ZEB1: variants seen among roughly 807,000 people sequenced by gnomAD.
The protein encoded by ZEB1 is zinc finger E-box-binding homeobox 1.
A neutral mutation model predicts 84.9 loss-of-function variants in ZEB1; 21 were observed. That is an observed-to-expected ratio of 0.25 (90% CI 0.18 to 0.36). The LOEUF (loss-of-function observed/expected upper bound fraction) is 0.36. Ranked by LOEUF, ZEB1 falls within the 10% of genes least tolerant of loss-of-function variation. The pLI, the probability that ZEB1 is intolerant of heterozygous loss-of-function variation, is 1.00. For synonymous variants in ZEB1, 420 were observed against 471.1 expected (o/e 0.89, Z 1.41); for missense variants, 1,104 against 1,330.2 (o/e 0.83, Z 2.65).
intron 1 of ZEB1, among the ~76,000 whole-genome samples, chr10:31,415,305 T>C (rs1591027126): frequency 1.3e-5 from 2 of 152,242 alleles, no homozygotes; most frequent in East Asian, 3.9e-4. Context: ...CCCTAAGAAT[T>C]CTAGCTGCTG....
At chr10:31,437,558 T>A (rs1460703909) in intron 1 of ZEB1, among the ~76,000 whole-genome samples, 1 of 152,216 alleles carries the variant, frequency 6.6e-6, no homozygotes, top group Non-Finnish European at 1.5e-5. Context: ...GTAGAAAGAC[T>A]TTCTTTACAA....
intron 3 of ZEB1, among the ~76,000 whole-genome samples, chr10:31,496,272 C>T (rs929691731): frequency 6.6e-5 from 10 of 151,868 alleles, no homozygotes; most frequent in Non-Finnish European, 1.2e-4. Flanking sequence ...TCTATAAATC[C>T]GATGAGAATC....
intron 1 of ZEB1, among the ~76,000 whole-genome samples, chr10:31,343,653 G>A (rs2039788405): frequency 6.6e-6 from 1 of 152,064 alleles, no homozygotes; most frequent in South Asian, 2.1e-4. Context: ...GTTATAAAAT[G>A]TGTTTGTATA....
Position 31,331,081 on chromosome 10 carries a change from C to CTTTTTTTTTT in ZEB1, c.58+11806_58+11815dup, listed in dbSNP as rs548615284. On this transcript the variant is annotated intron_variant, in intron 1 of 8. Transcript: ENST00000424869. Reference sequence around the variant, plus strand: ...ATTTTCTTTTCTTTTTTCTTTCTTTCTTTTTTTTTTTTTTTTTTTTTTTTT... The same window carrying CTTTTTTTTTT: ...ATTTTCTTTTCTTTTTTCTTTCTTTCTTTTTTTTTTTTTTTTTTTTTTTTTTTTTTTTTTT... 5.7e-4 allele frequency among the ~76,000 whole-genome samples: 44 copies of CTTTTTTTTTT among 77,846 alleles called. 4 individuals are homozygous for CTTTTTTTTTT. Among genetic ancestry groups the CTTTTTTTTTT allele is most frequent in the African/African-American group, 2.0e-3 (35 of 17,528 alleles). 51.1% of individuals were successfully genotyped at this position (77,846 alleles called of 152,430 possible).
At chr10:31,416,967 T>G (rs2055321894) in intron 1 of ZEB1, among the ~76,000 whole-genome samples, 1 of 152,126 alleles carries the variant, frequency 6.6e-6, no homozygotes, top group Non-Finnish European at 1.5e-5. Context: ...CTCTCATCTT[T>G]TTATACCTGG....
intron 1 of ZEB1, chr10:31,363,229 T>C (rs1564595296): frequency 7.8e-6 from 12 of 1,533,948 alleles, no homozygotes; most frequent in Non-Finnish European, 1.0e-5. Context: ...GGCCGCCTTC[T>C]CTGGCCACAG....
intron 1 of ZEB1, among the ~76,000 whole-genome samples, chr10:31,444,648 C>T (rs1205331778): frequency 6.6e-6 from 1 of 151,966 alleles, no homozygotes; most frequent in Non-Finnish European, 1.5e-5. Context: ...CCAGTTTTCC[C>T]AGCACCATTT....
At chr10:31,500,247 GAA>G (rs2067928941) in intron 3 of ZEB1, among the ~76,000 whole-genome samples, 1 of 152,056 alleles carries the variant, frequency 6.6e-6, no homozygotes, top group African/African-American at 2.4e-5. Flanking sequence ...GCTTTGAAAA[GAA>G]TGCCACTGAT....
chr10:31,412,225 A>C (rs544976575), intron 1 of ZEB1, among the ~76,000 whole-genome samples: 45 of 152,282 alleles, frequency 3.0e-4, no homozygotes, highest in Non-Finnish European at 5.6e-4. Context: ...TTATGATGTC[A>C]CTTGTAGAAT....
Position 31,465,454 on chromosome 10 carries a change from C to CA in ZEB1, c.259+4223dup, listed in dbSNP as rs559544412. Among the ~76,000 whole-genome samples, 838 of 149,362 alleles carry CA rather than the reference C, an allele frequency of 5.6e-3. 12 individuals carry two copies. Among genetic ancestry groups the CA allele is most frequent in the African/African-American group, 0.02 (801 of 40,342 alleles). On this transcript the variant is annotated intron_variant, in intron 2 of 8. Transcript: ENST00000424869. ...ACACAAAAGATAAACCATGCGATTGCAAAAAATATATATATATATATAAAA... is the reference window on the plus strand; with the variant it reads ...ACACAAAAGATAAACCATGCGATTGCAAAAAAATATATATATATATATAAAA...
At chr10:31,508,977 G>T (rs541858967) in intron 4 of ZEB1, among the ~76,000 whole-genome samples, 1 of 152,290 alleles carries the variant, frequency 6.6e-6, no homozygotes, top group African/African-American at 2.4e-5. Flanking sequence ...CAGTCTGTTG[G>T]GGAGTCTGTC....
In ZEB1 at chr10:31,524,104, G is replaced by T; in HGVS notation, c.2776G>T (p.Glu926Ter). ...KSSSLLRHKY[E>*]HTGKRPHECG... ...TAGTTCATTATTGAGACATAAATAT[G>T]AACACACAGGTATGTCAGTGAACAC... Residue 926 changes from glutamate to a stop codon, truncating the protein, a stop_gained, in exon 8 of 9, where the codon GAA (glutamate) becomes TAA (stop). Coordinates refer to ENST00000424869, the MANE Select transcript of ZEB1 (RefSeq NM_001174096.2). LOFTEE classifies it low-confidence loss of function (END_TRUNC). The T allele has an allele frequency of 6.2e-7, 1 of 1,613,396 alleles. No homozygotes were observed. The highest frequency in any genetic ancestry group is 1.1e-5 in the South Asian group (1 of 91,008).
intron 1 of ZEB1, among the ~76,000 whole-genome samples, chr10:31,325,645 C>T (rs568410154): frequency 2.6e-5 from 4 of 151,844 alleles, no homozygotes; most frequent in Admixed American, 1.3e-4. Flanking sequence ...CTCTTAATTC[C>T]CTCCCTCTCC....
Position 31,374,662 on chromosome 10 carries a change from T to C in ZEB1, c.58+55370T>C, listed in dbSNP as rs1363380557. 2.6e-5 allele frequency: 4 copies of C among 151,942 alleles called. No individual in the cohort carries two copies. In the East Asian group the frequency reaches 7.7e-4, roughly 29 times the overall value. 9.4% of individuals were successfully genotyped at this position (151,942 alleles called of 1,614,324 possible). ...ATAAATAAAGCACAGAACCTACACATTTATTTATTAGATTGAATTGATAAC... is the reference window on the plus strand; with the variant it reads ...ATAAATAAAGCACAGAACCTACACACTTATTTATTAGATTGAATTGATAAC... On this transcript the variant is annotated intron_variant, in intron 1 of 8. Coordinates refer to ENST00000424869, the MANE Select transcript of ZEB1 (RefSeq NM_001174096.2).
chr10:31,392,084 T>TA (rs1328582139), intron 1 of ZEB1, among the ~76,000 whole-genome samples: 2 of 152,186 alleles, frequency 1.3e-5, no homozygotes, highest in African/African-American at 2.4e-5. Context: ...TTCAACTAAT[T>TA]AAACTTGAAA....
intron 1 of ZEB1, among the ~76,000 whole-genome samples, chr10:31,400,635 C>CA (rs1296849229): frequency 2.0e-5 from 3 of 151,812 alleles, no homozygotes; most frequent in Non-Finnish European, 2.9e-5. Flanking sequence ...AATTTTTTTA[C>CA]AAAAAAACTT....
chr10:31,474,826 G>A lies in ZEB1; in HGVS notation c.259+13589G>A, dbSNP rs1298900031. Among the ~76,000 whole-genome samples the A allele has an allele frequency of 5.3e-5, 8 of 152,146 alleles. No individual in the cohort carries two copies. In the South Asian group the frequency reaches 1.2e-3, roughly 24 times the overall value. ...GGAACCAACCCAAATGTCCAACAAT[G>A]ATAGACTGGATTAAGAAAAGGTGGC... On this transcript the variant is annotated intron_variant, in intron 2 of 8. Transcript: ENST00000424869.
intron 1 of ZEB1, among the ~76,000 whole-genome samples, chr10:31,425,492 AG>A (rs1353204026): frequency 6.6e-6 from 1 of 152,106 alleles, no homozygotes; most frequent in Non-Finnish European, 1.5e-5. Context: ...TAGACAACAA[AG>A]GTTAGAGAAA....
In ZEB1 at chr10:31,521,482, C is replaced by T. The variant is rs2072357180; in HGVS notation, c.2150C>T (p.Thr717Ile). Residue 717 changes from threonine to isoleucine, a missense_variant, in exon 7 of 9, where the codon ACA becomes ATA. Physicochemically the swap from Thr to Ile is moderately conservative, Grantham distance 89. Coordinates refer to ENST00000424869, the MANE Select transcript of ZEB1 (RefSeq NM_001174096.2). Reference sequence around the variant, plus strand: ...CTAAACCTTTCCTCATCCAGAAATACACAGGGTTACTTGTACACAGCTGAG... The same window carrying T: ...CTAAACCTTTCCTCATCCAGAAATATACAGGGTTACTTGTACACAGCTGAG... ...SPLNLSSSRN[T>I]QGYLYTAEGA... 1.1e-5 allele frequency: 17 copies of T among 1,613,998 alleles called. No homozygotes were observed. Among genetic ancestry groups the T allele is most frequent in the Non-Finnish European group, 1.4e-5 (16 of 1,180,026 alleles).
Sources: allele counts gnomAD v4.1 joint callset (sites outside exome capture counted in the v4.1 genomes callset), GRCh38; gene constraint gnomAD v4.1.1; transcripts MANE v1.5; gene names NCBI Gene and HGNC (gene_info 2026-07-23, HGNC 2026-07-21).